The following PSIP1 variants were observed in gnomAD, a reference collection of about 807,000 sequenced individuals.
PSIP1 encodes the protein PC4 and SFRS1-interacting protein.
In PSIP1, 19 loss-of-function variants were observed where a neutral mutation model predicts 74.7. The ratio of observed to expected loss-of-function variants is 0.25; its 90% CI spans 0.18 to 0.37. The LOEUF is 0.37. PSIP1 is among the 10% of genes least tolerant of loss of function. The pLI is 1.00. For missense variants in PSIP1, 601 were observed against 614.3 expected (o/e 0.98, Z 0.23); for synonymous variants, 222 against 195.3 (o/e 1.14, Z -1.14).
At chr9:15,483,373 C>T (rs2036421257) in intron 6 of PSIP1, among the ~76,000 whole-genome samples, 1 of 151,198 alleles carries the variant, frequency 6.6e-6, no homozygotes, top group South Asian at 2.1e-4. Context: ...TTACCATCCA[C>T]TTCTCATCAA....
intron 8 of PSIP1, among the ~76,000 whole-genome samples, chr9:15,476,399 T>C (rs1414047016): frequency 6.6e-6 from 1 of 152,134 alleles, no homozygotes; most frequent in Non-Finnish European, 1.5e-5. Context: ...TCAATCAACT[T>C]GTGGCTTTGG....
chr9:15,485,601 G>A lies in PSIP1; in HGVS notation c.456+405C>T, dbSNP rs187083878. On this transcript the variant is annotated intron_variant, in intron 6 of 15. Transcript: ENST00000380733. Reference sequence around the variant, plus strand: ...GTCACTCACACTCATTTCTCACAACGTGAAGTAACAACAACAACAACATAA... The same window carrying A: ...GTCACTCACACTCATTTCTCACAACATGAAGTAACAACAACAACAACATAA... Among the ~76,000 whole-genome samples the A allele has an allele frequency of 3.4e-3, 501 of 148,158 alleles. 6 individuals are homozygous for A. Among genetic ancestry groups the A allele is most frequent in the African/African-American group, 0.013 (476 of 37,644 alleles).
chr9:15,481,520 A>AC (rs1028621657), intron 6 of PSIP1, among the ~76,000 whole-genome samples: 4 of 152,096 alleles, frequency 2.6e-5, no homozygotes, highest in African/African-American at 9.7e-5. Flanking sequence ...ACATGGTGAA[A>AC]CCCCATCTCT....
At chr9:15,501,425 T>A (rs1345185849) in intron 3 of PSIP1, among the ~76,000 whole-genome samples, 2 of 150,434 alleles carry the variant, frequency 1.3e-5, no homozygotes, top group Non-Finnish European at 1.5e-5. Context: ...ACTGTTGCAG[T>A]GGGGAAAATA....
intron 15 of PSIP1, among the ~76,000 whole-genome samples, chr9:15,466,316 T>G (rs1262951522): frequency 6.6e-6 from 1 of 152,102 alleles, no homozygotes; most frequent in Non-Finnish European, 1.5e-5. Context: ...GAAGTGGAGG[T>G]TGCAGTGAGC....
chr9:15,468,226 G>T (rs947811448), intron 14 of PSIP1: 4 of 418,194 alleles, frequency 9.6e-6, no homozygotes, highest in Non-Finnish European at 1.9e-5. Context: ...GGCAGGTGTA[G>T]TCTCCACCTA....
chr9:15,467,748 T>C (rs557949542), intron 14 of PSIP1, among the ~76,000 whole-genome samples: 6 of 152,342 alleles, frequency 3.9e-5, no homozygotes, highest in African/African-American at 1.4e-4. Context: ...TAGCAGGATT[T>C]AACTACTGCT....
intron 8 of PSIP1, among the ~76,000 whole-genome samples, chr9:15,477,013 G>A (rs1366264981): frequency 6.6e-6 from 1 of 152,156 alleles, no homozygotes; most frequent in Non-Finnish European, 1.5e-5. Flanking sequence ...GACAAACGGA[G>A]TGGGAAGCAT....
intron 9 of PSIP1, among the ~76,000 whole-genome samples, chr9:15,473,267 A>G (rs2035921503): frequency 6.6e-6 from 1 of 152,180 alleles, no homozygotes; most frequent in African/African-American, 2.4e-5. Flanking sequence ...CCACTGATAA[A>G]ATGTACAATA....
At chr9:15,492,706 T>C (rs947504907) in intron 3 of PSIP1, among the ~76,000 whole-genome samples, 7 of 152,142 alleles carry the variant, frequency 4.6e-5, no homozygotes, top group East Asian at 1.9e-4. Context: ...AGCAGACTTC[T>C]ACCTGGACAT....
intron 3 of PSIP1, among the ~76,000 whole-genome samples, chr9:15,495,918 A>T (rs2037052392): frequency 2.6e-5 from 4 of 152,164 alleles, no homozygotes; most frequent in Admixed American, 2.0e-4. Flanking sequence ...TATTCCATTT[A>T]TGTTAAATTC....
chr9:15,479,538 G>T, intron 7 of PSIP1, 53 bp downstream of exon 7: 2 of 1,398,228 alleles, frequency 1.4e-6, no homozygotes, highest in South Asian at 2.6e-5. Context: ...ACTTTAAATG[G>T]ACTGGAATAT....
intron 3 of PSIP1, among the ~76,000 whole-genome samples, chr9:15,495,485 G>C (rs1178758217): frequency 6.6e-6 from 1 of 152,082 alleles, no homozygotes; most frequent in Non-Finnish European, 1.5e-5. Flanking sequence ...AAATGAAATA[G>C]TAAAACCAAT....
chr9:15,489,942 C>T (rs200836973), intron 4 of PSIP1, 44 bp downstream of exon 4: 3 of 1,409,048 alleles, frequency 2.1e-6, no homozygotes, highest in Non-Finnish European at 2.9e-6. Flanking sequence ...GATTATTCCC[C>T]AGGATTAAAT....
chr9:15,478,416 G>A, intron 8 of PSIP1, 61 bp downstream of exon 8: 4 of 1,216,812 alleles, frequency 3.3e-6, no homozygotes, highest in Non-Finnish European at 4.8e-6. Flanking sequence ...GCAGAGATAT[G>A]TGCTTGTTTA....
chr9:15,502,786 A>G (rs978116713), intron 3 of PSIP1, among the ~76,000 whole-genome samples: 1 of 152,232 alleles, frequency 6.6e-6, no homozygotes, highest in African/African-American at 2.4e-5. Flanking sequence ...CCCACTTACT[A>G]AAAATCTGTC....
chr9:15,503,395 G>A (rs2037435563), intron 3 of PSIP1, among the ~76,000 whole-genome samples: 1 of 149,572 alleles, frequency 6.7e-6, no homozygotes, highest in Non-Finnish European at 1.5e-5. Flanking sequence ...AAATAAAGTA[G>A]CCTGTAATCT....
chr9:15,473,603 G>A (rs1404778019), intron 9 of PSIP1, among the ~76,000 whole-genome samples: 1 of 152,004 alleles, frequency 6.6e-6, no homozygotes, highest in Non-Finnish European at 1.5e-5. Context: ...TCTTAAACTG[G>A]GCAGATTAAG....
intron 2 of PSIP1, 110 bp downstream of exon 2, chr9:15,510,007 C>A: frequency 8.8e-7 from 1 of 1,136,488 alleles, no homozygotes; most frequent in South Asian, 1.6e-5. Flanking sequence ...ACAAATGAGA[C>A]TAAAGCGAGG....
Sources: gnomAD v4.1 joint callset for allele counts (sites outside exome capture counted in the v4.1 genomes callset) on GRCh38, gnomAD v4.1.1 for gene constraint, MANE v1.5 for transcripts, NCBI Gene and HGNC (gene_info 2026-07-23, HGNC 2026-07-21) for gene names.